Variants in APBA1 observed in about 807,000 individuals in gnomAD.
APBA1 encodes the protein amyloid beta precursor protein binding family A member 1, also known as amyloid-beta A4 precursor protein-binding family A member 1.
In APBA1, 55 loss-of-function variants were observed where a neutral mutation model predicts 86.6. That is an observed-to-expected ratio of 0.64 (90% CI 0.51 to 0.80). The LOEUF is 0.80. APBA1 is among the 30% of genes least tolerant of loss of function. APBA1 has a pLI of 0.00. For synonymous variants in APBA1, 511 were observed against 493.9 expected, an observed-to-expected ratio of 1.03 and a Z score of -0.46; for missense variants, 1,090 against 1,183.0, an observed-to-expected ratio of 0.92 and a Z score of 1.15.
At chr9:69,605,510 T>C (rs969315830) in intron 1 of APBA1, among the ~76,000 whole-genome samples, 2 of 152,228 alleles carry the variant, frequency 1.3e-5, no homozygotes, top group Non-Finnish European at 2.9e-5. Context: ...TATCGTGTGA[T>C]GACTCAATGC....
intron 4 of APBA1, 151 bp from the exon 5 acceptor site, chr9:69,468,119 T>A: frequency 2.3e-6 from 2 of 882,754 alleles, no homozygotes; most frequent in Non-Finnish European, 3.4e-6. Context: ...TGTGTCTATC[T>A]GCACCCACAC....
chr9:69,623,847 G>A (rs1328267954), intron 1 of APBA1, among the ~76,000 whole-genome samples: 1 of 152,158 alleles, frequency 6.6e-6, no homozygotes, highest in Non-Finnish European at 1.5e-5. Context: ...TTAGCTTTAT[G>A]ACCTTGAGTA....
At chr9:69,634,304 G>A (rs1166942398) in intron 1 of APBA1, among the ~76,000 whole-genome samples, 1 of 152,112 alleles carries the variant, frequency 6.6e-6, no homozygotes, top group Non-Finnish European at 1.5e-5. Flanking sequence ...GCAATACCAG[G>A]CAGAACTCAG....
At position 69,516,777 on chromosome 9, in the gene APBA1, G is replaced by A; in HGVS notation, c.434C>T (p.Ala145Val). 6.2e-7 allele frequency: 1 copy of A among 1,611,112 alleles called. No individual in the cohort carries two copies. The highest frequency in any genetic ancestry group is 8.5e-7 in the Non-Finnish European group (1 of 1,179,480). The stretch of plus-strand genomic sequence containing the variant: ...GTGGAAGTGCAGGTGGTTGGGCAGC[G>A]CGCGGCGGTGCGTGGCCTCGGCGTG... Reference protein sequence around the residue: ...AEHAEATHRRALPNHLHFHSL... With the variant: ...AEHAEATHRRVLPNHLHFHSL... The change falls in exon 2 of 13, where the codon GCG becomes GTG. Residue 145 changes from alanine (A) to valine (V), a missense_variant. Around this residue, in one of 6 missense-constraint regions of APBA1, gnomAD observed 678 missense variants for 647.1 expected, o/e 1.05. Transcript: ENST00000265381. The surrounding 1 kb of genome is among the most constrained non-coding windows in gnomAD (Gnocchi z 7.3).
In APBA1 at chr9:69,490,025, C is replaced by T. The variant is rs1405443923; in HGVS notation, c.1201-13882G>A. Among the ~76,000 whole-genome samples the T allele has an allele frequency of 3.3e-5, 5 of 152,150 alleles. No homozygotes were observed. In the South Asian group the frequency reaches 8.3e-4, roughly 25 times the overall value. ...ATGCTGCTATAAAGACACATGCACA[C>T]GTATGTTTATTGCAGCACTATTCAC... On this transcript the variant is annotated intron_variant, in intron 2 of 12. Coordinates refer to ENST00000265381, the MANE Select transcript of APBA1 (RefSeq NM_001163.4).
intron 5 of APBA1, 47 bp downstream of exon 5, chr9:69,467,776 G>A (rs1427619070): frequency 6.2e-7 from 1 of 1,610,984 alleles, no homozygotes; most frequent in Non-Finnish European, 8.5e-7. Flanking sequence ...CTGCTCCAGT[G>A]CCTACACCAG....
intron 11 of APBA1, among the ~76,000 whole-genome samples, chr9:69,434,693 C>T (rs1370976317): frequency 5.5e-5 from 8 of 146,038 alleles, no homozygotes; most frequent in Non-Finnish European, 8.9e-5. Context: ...GATGACAGAG[C>T]GAGACTCCAT....
intron 1 of APBA1, among the ~76,000 whole-genome samples, chr9:69,570,649 T>G (rs578110395): frequency 3.3e-5 from 5 of 152,204 alleles, no homozygotes; most frequent in Admixed American, 6.5e-5. Context: ...AAGGAACTTT[T>G]GGAGACACTT....
intron 1 of APBA1, among the ~76,000 whole-genome samples, chr9:69,609,842 A>T (rs761746577): frequency 1.1e-4 from 17 of 152,104 alleles, no homozygotes; most frequent in African/African-American, 3.9e-4. Context: ...TCTGTCACCC[A>T]GGCTGGCGTG....
At position 69,547,945 on chromosome 9, in the gene APBA1, T is replaced by G. The variant is rs868178701; in HGVS notation, c.-69-30666A>C. Among the ~76,000 whole-genome samples the G allele has an allele frequency of 1.6e-4, 25 of 152,320 alleles. 1 individual carries two copies. Among genetic ancestry groups the G allele is most frequent in the South Asian group, 8.3e-4 (4 of 4,826 alleles). ...CTGGGTCCCAGAACTTGTACAGATG[T>G]TACCTTACATTACAAAGGGATTTTG... is the stretch of plus-strand genomic sequence containing the variant. On this transcript the variant is annotated intron_variant, in intron 1 of 12. Transcript: ENST00000265381.
intron 1 of APBA1, among the ~76,000 whole-genome samples, chr9:69,562,603 G>C (rs1184800577): frequency 6.6e-6 from 1 of 152,056 alleles, no homozygotes; most frequent in Non-Finnish European, 1.5e-5. Context: ...TTGAACTCCT[G>C]ACCTCATGTG....
intron 1 of APBA1, among the ~76,000 whole-genome samples, chr9:69,538,911 C>T (rs192962219): frequency 4.6e-5 from 7 of 152,306 alleles, no homozygotes; most frequent in Non-Finnish European, 8.8e-5. Context: ...TTGTCTGGGT[C>T]ACCAGTGAGT....
intron 1 of APBA1, among the ~76,000 whole-genome samples, chr9:69,664,394 G>A (rs1823807841): frequency 6.6e-6 from 1 of 152,138 alleles, no homozygotes; most frequent in South Asian, 2.1e-4. Flanking sequence ...TTAAGTGAAT[G>A]AGCACACAGG....
At chr9:69,555,125 G>T (rs1564075926) in intron 1 of APBA1, among the ~76,000 whole-genome samples, 1 of 152,282 alleles carries the variant, frequency 6.6e-6, no homozygotes, top group East Asian at 1.9e-4. Flanking sequence ...AGACGGTCCA[G>T]GTTTCTTCCA....
intron 1 of APBA1, among the ~76,000 whole-genome samples, chr9:69,602,575 A>G (rs1822374473): frequency 6.6e-6 from 1 of 151,336 alleles, no homozygotes; most frequent in South Asian, 2.1e-4. Flanking sequence ...TGTCTCATTA[A>G]AAAAAAAGAA....
intron 2 of APBA1, among the ~76,000 whole-genome samples, chr9:69,498,453 A>C (rs1040964576): frequency 1.3e-5 from 2 of 152,134 alleles, no homozygotes; most frequent in African/African-American, 4.8e-5. Flanking sequence ...TATGCCACTA[A>C]ATTTTGGGGA....
intron 1 of APBA1, among the ~76,000 whole-genome samples, chr9:69,615,732 A>ATC (rs1822685799): frequency 1.3e-5 from 2 of 152,224 alleles, no homozygotes; most frequent in Non-Finnish European, 2.9e-5. Flanking sequence ...TATAGATTAG[A>ATC]CTAGATCCTG....
chr9:69,568,181 G>T lies in APBA1; in HGVS notation c.-69-50902C>A, dbSNP rs553733631. Among the ~76,000 whole-genome samples the T allele has an allele frequency of 2.6e-5, 4 of 152,256 alleles. No homozygotes were observed. In the South Asian group the frequency reaches 8.3e-4, roughly 32 times the overall value. ...ACAGAAAGCCACAAGGGCTTCCTGA[G>T]AATGTCCCCCATGCCCTATGTAGAA... is the stretch of plus-strand genomic sequence containing the variant. On this transcript the variant is annotated intron_variant, in intron 1 of 12. Coordinates refer to ENST00000265381, the MANE Select transcript of APBA1 (RefSeq NM_001163.4).
Position 69,601,286 on chromosome 9 carries a change from T to C in APBA1, c.-70+70867A>G, listed in dbSNP as rs1006389493. 2.0e-5 allele frequency among the ~76,000 whole-genome samples: 3 copies of C among 152,350 alleles called. No individual in the cohort carries two copies. The Middle Eastern group carries it at 0.01, about 518-fold the overall frequency. Reference sequence around the variant, plus strand: ...TAGTTGAGATACAATAAAGATAATATTAATTAGTATTCATGTAATAGTAAA... The same window carrying C: ...TAGTTGAGATACAATAAAGATAATACTAATTAGTATTCATGTAATAGTAAA... On this transcript the variant is annotated intron_variant, in intron 1 of 12. Transcript: ENST00000265381.
Sources: allele counts gnomAD v4.1 joint callset (sites outside exome capture counted in the v4.1 genomes callset), GRCh38; gene constraint gnomAD v4.1.1; regional missense constraint gnomAD v4.1.1; non-coding constraint Gnocchi (gnomAD v3.1); transcripts MANE v1.5; gene names NCBI Gene and HGNC (gene_info 2026-07-23, HGNC 2026-07-21).